The following FNDC3A variants were observed in gnomAD, a reference collection of about 807,000 sequenced individuals.
The protein encoded by FNDC3A is fibronectin type-III domain-containing protein 3A.
In FNDC3A, 32 loss-of-function variants were observed where a neutral mutation model predicts 148.9. That is an observed-to-expected ratio of 0.21 (90% CI 0.16 to 0.29). FNDC3A has a LOEUF of 0.29. Among genes scored for constraint, FNDC3A ranks in the 10% least tolerant of loss-of-function variants. FNDC3A has a pLI of 1.00. For missense variants in FNDC3A, 1,191 were observed against 1,452.8 expected, an observed-to-expected ratio of 0.82 and a Z score of 2.93; for synonymous variants, 472 against 473.6, an observed-to-expected ratio of 1.00 and a Z score of 0.04.
At chr13:48,983,821 T>C (rs559402398) in intron 1 of FNDC3A, among the ~76,000 whole-genome samples, 1 of 152,256 alleles carries the variant, frequency 6.6e-6, no homozygotes, top group South Asian at 2.1e-4. Flanking sequence ...CTTTCATTAA[T>C]AGATAGGAAC....
chr13:49,136,709 T>C (rs921549678), intron 6 of FNDC3A, 108 bp downstream of exon 6: 8 of 1,059,136 alleles, frequency 7.6e-6, no homozygotes, highest in Non-Finnish European at 1.1e-5. Context: ...CCAAATAGAC[T>C]GTTACAGGCT....
At chr13:49,070,284 A>C (rs1372312502) in intron 2 of FNDC3A, among the ~76,000 whole-genome samples, 5 of 152,118 alleles carry the variant, frequency 3.3e-5, no homozygotes, top group African/African-American at 1.2e-4. Flanking sequence ...GGCACCCGCC[A>C]CCACGCCCAG....
intron 2 of FNDC3A, among the ~76,000 whole-genome samples, chr13:49,031,633 CAAAAATCAATTAAAATCCTAA>C (rs1566203036): frequency 1.3e-5 from 2 of 151,940 alleles, no homozygotes; most frequent in Non-Finnish European, 2.9e-5. Context: ...AAAACTAACT[CAAAAATCAATTAAAATCCTAA>C]AATAAGAGCT....
chr13:49,125,008 T>C (rs1881605639), intron 4 of FNDC3A, among the ~76,000 whole-genome samples: 1 of 152,132 alleles, frequency 6.6e-6, no homozygotes, highest in South Asian at 2.1e-4. Flanking sequence ...TGTTTTTTTA[T>C]AGAATGTGGG....
At chr13:49,033,394 G>T (rs190032808) in intron 2 of FNDC3A, among the ~76,000 whole-genome samples, 11 of 152,188 alleles carry the variant, frequency 7.2e-5, no homozygotes, top group Admixed American at 2.0e-4. Flanking sequence ...CTGGTAATCA[G>T]TTGTACCTTT....
chr13:49,087,144 T>C (rs928543134), intron 3 of FNDC3A, among the ~76,000 whole-genome samples: 4 of 152,240 alleles, frequency 2.6e-5, no homozygotes, highest in African/African-American at 9.6e-5. Flanking sequence ...ATCACTGTTA[T>C]AGTTAGTCTC....
intron 2 of FNDC3A, among the ~76,000 whole-genome samples, chr13:49,023,970 A>T (rs977327371): frequency 6.6e-6 from 1 of 152,010 alleles, no homozygotes; most frequent in Admixed American, 6.6e-5. Flanking sequence ...GAAAAGATTA[A>T]CAAAATTGAC....
chr13:49,070,764 T>C (rs1156898241), intron 2 of FNDC3A, among the ~76,000 whole-genome samples: 2 of 152,146 alleles, frequency 1.3e-5, no homozygotes, highest in East Asian at 3.8e-4. Context: ...TTAGTTCCAC[T>C]TTTTCAGCTC....
Position 49,131,218 on chromosome 13 carries a change from C to T in FNDC3A, c.334C>T (p.His112Tyr). ...TCACCCTGGTAGTCACACAGTTCTC[C>T]ACCGTTCTCCACATCCTCCTCTACC... Reference protein sequence around the residue: ...EFHPGSHTVLHRSPHPPLPGF... With the variant: ...EFHPGSHTVLYRSPHPPLPGF... The change falls in exon 5 of 26, where the codon CAC becomes TAC. Residue 112 changes from histidine (H) to tyrosine (Y), a missense_variant. Around this residue, in one of 3 missense-constraint regions of FNDC3A, gnomAD observed 426 missense variants for 473.2 expected, o/e 0.90. Transcript: ENST00000492622. The T allele has an allele frequency of 1.2e-6, 2 of 1,614,088 alleles. No individual in the cohort carries two copies. Among genetic ancestry groups the T allele is most frequent in the Non-Finnish European group, 1.7e-6 (2 of 1,179,988 alleles).
intron 3 of FNDC3A, among the ~76,000 whole-genome samples, chr13:49,082,586 C>T (rs561649627): frequency 6.6e-6 from 1 of 151,982 alleles, no homozygotes; most frequent in Non-Finnish European, 1.5e-5. Context: ...TTCCTAATAG[C>T]TCAGTCCTGA....
intron 16 of FNDC3A, 58 bp from the exon 17 acceptor site, chr13:49,188,457 A>G (rs987585374): frequency 4.9e-6 from 5 of 1,018,298 alleles, no homozygotes; most frequent in African/African-American, 3.2e-5. Flanking sequence ...TGTGTCCATG[A>G]TACCAGAACG....
intron 2 of FNDC3A, among the ~76,000 whole-genome samples, chr13:49,014,920 G>A (rs1415077810): frequency 8.1e-5 from 12 of 148,316 alleles, no homozygotes; most frequent in African/African-American, 2.2e-4. Context: ...GATATGTGGC[G>A]TTATTTCTGA....
intron 4 of FNDC3A, among the ~76,000 whole-genome samples, chr13:49,129,481 C>T (rs1400796268): frequency 1.3e-5 from 2 of 152,194 alleles, no homozygotes; most frequent in Non-Finnish European, 2.9e-5. Context: ...AGTATTGTGA[C>T]AGATACTGTG....
chr13:49,091,960 G>C (rs1310091862), intron 3 of FNDC3A, among the ~76,000 whole-genome samples: 1 of 152,232 alleles, frequency 6.6e-6, no homozygotes, highest in Non-Finnish European at 1.5e-5. Flanking sequence ...CAAATATTCA[G>C]TTTCCACCAA....
Position 49,168,720 on chromosome 13 carries a change from G to A in FNDC3A, c.1145G>A (p.Arg382Gln), listed in dbSNP as rs200169535. Residue 382 changes from arginine (R) to glutamine (Q), a missense_variant, in exon 10 of 26, where the codon CGG becomes CAG. Transcript: ENST00000492622. ...DIPNPPRIAN[R>Q]TKNSLTLQWK... ...CCTAATCCACCAAGGATAGCCAATCGGACCAAAAATTCACTCACTTTGCAA... is the reference window on the plus strand; with the variant it reads ...CCTAATCCACCAAGGATAGCCAATCAGACCAAAAATTCACTCACTTTGCAA... 69 of 1,613,380 alleles carry A rather than the reference G, an allele frequency of 4.3e-5. No individual in the cohort carries two copies. The highest frequency in any genetic ancestry group is 9.3e-5 in the African/African-American group (7 of 74,940).
intron 1 of FNDC3A, among the ~76,000 whole-genome samples, chr13:48,999,129 G>C (rs931795287): frequency 3.9e-5 from 6 of 152,170 alleles, no homozygotes; most frequent in African/African-American, 1.4e-4. Context: ...AGTGCTGCAT[G>C]GTCAGGGCTC....
In FNDC3A at chr13:49,196,942, CCCT is replaced by C; in HGVS notation, c.2294_2296del (p.Pro765del). 6.2e-7 allele frequency: 1 copy of C among 1,612,504 alleles called. No individual in the cohort carries two copies. The highest frequency in any genetic ancestry group is 8.5e-7 in the Non-Finnish European group (1 of 1,179,522). On this transcript the variant is annotated inframe_deletion, in exon 20 of 26. Coordinates refer to ENST00000492622, the MANE Select transcript of FNDC3A (RefSeq NM_001079673.2). ...CTGGGCCACCAGATCAGTGCAAGCCCCCTCAAGTGACATGTAGATCTGCAACTT... is the reference window on the plus strand; with the variant it reads ...CTGGGCCACCAGATCAGTGCAAGCCCCAAGTGACATGTAGATCTGCAACTT...
intron 6 of FNDC3A, among the ~76,000 whole-genome samples, chr13:49,137,405 C>T (rs935222276): frequency 6.6e-6 from 1 of 152,160 alleles, no homozygotes; most frequent in African/African-American, 2.4e-5. Context: ...AATGCAGTGG[C>T]GCAATGTCAG....
At chr13:49,194,776 G>A (rs1288352201) in intron 19 of FNDC3A, among the ~76,000 whole-genome samples, 4 of 152,060 alleles carry the variant, frequency 2.6e-5, no homozygotes, top group Non-Finnish European at 5.9e-5. Context: ...ACATATGATA[G>A]TATAAAAGGT....
Sources: gnomAD v4.1 joint callset for allele counts (sites outside exome capture counted in the v4.1 genomes callset) on GRCh38, gnomAD v4.1.1 for gene constraint, gnomAD v4.1.1 regional missense constraint, MANE v1.5 for transcripts, NCBI Gene and HGNC (gene_info 2026-07-23, HGNC 2026-07-21) for gene names.